Variants in TMEM132D observed in about 807,000 individuals in gnomAD.
The protein encoded by TMEM132D is transmembrane protein 132D.
TMEM132D carries 21 observed loss-of-function variants against 62.3 expected under a neutral mutation model. The observed-to-expected ratio is 0.34, with a 90% CI of 0.24 to 0.49. TMEM132D has a LOEUF of 0.49. Ranked by LOEUF, TMEM132D falls within the 20% of genes least tolerant of loss-of-function variation. TMEM132D has a pLI of 0.99. For missense variants in TMEM132D, 1,346 were observed against 1,402.8 expected (o/e 0.96, Z 0.65); for synonymous variants, 621 against 575.6 (o/e 1.08, Z -1.13).
intron 1 of TMEM132D, among the ~76,000 whole-genome samples, chr12:129,786,396 A>T (rs553884153): frequency 1.3e-5 from 2 of 152,198 alleles, no homozygotes; most frequent in Admixed American, 6.5e-5. Context: ...GGGAGGTAAC[A>T]CCTCGTGGCG....
chr12:129,249,621 G>A (rs989107163), intron 4 of TMEM132D, among the ~76,000 whole-genome samples: 1 of 152,184 alleles, frequency 6.6e-6, no homozygotes, highest in Non-Finnish European at 1.5e-5. Flanking sequence ...CTTGGTAATA[G>A]CGCAGGTAGA....
chr12:129,633,873 T>C (rs1019986435), intron 2 of TMEM132D, among the ~76,000 whole-genome samples: 16 of 152,132 alleles, frequency 1.1e-4, no homozygotes, highest in Admixed American at 1.0e-3. Context: ...AACTTAAAAA[T>C]GTTCATTCCA....
chr12:129,791,184 G>A (rs1380789630), intron 1 of TMEM132D, among the ~76,000 whole-genome samples: 1 of 152,184 alleles, frequency 6.6e-6, no homozygotes, highest in African/African-American at 2.4e-5. Context: ...CAGAGGCAGG[G>A]CAGACAAGAG....
rs147439288 is a variant in TMEM132D, at chr12:129,776,679, G to A, written c.80-75981C>T. On this transcript the variant is annotated intron_variant, in intron 1 of 8. Coordinates refer to ENST00000422113, the MANE Select transcript of TMEM132D (RefSeq NM_133448.3). ...TATTTAAATTGAATACTTCAGCAAC[G>A]AAAGACTGTGTTCCTTAACCATTTA... is the stretch of plus-strand genomic sequence containing the variant. Among the ~76,000 whole-genome samples the A allele has an allele frequency of 4.3e-4, 49 of 113,436 alleles. 1 individual carries two copies. The East Asian group carries it at 0.013, about 31-fold the overall frequency. 74.4% of individuals were successfully genotyped at this position (113,436 alleles called of 152,430 possible). A position where few individuals can be genotyped will look rare whatever the true frequency, so the allele number is the denominator to read the frequency against.
intron 2 of TMEM132D, among the ~76,000 whole-genome samples, chr12:129,560,123 G>C (rs141426304): frequency 5.3e-5 from 8 of 152,306 alleles, no homozygotes; most frequent in African/African-American, 9.6e-5. Context: ...AGATTTCTAG[G>C]AGTGGGCTCA....
chr12:129,305,762 A>G (rs942862114), intron 4 of TMEM132D, among the ~76,000 whole-genome samples: 1 of 152,164 alleles, frequency 6.6e-6, no homozygotes, highest in South Asian at 2.1e-4. Context: ...CGTCTCTCAC[A>G]GGGTGTCATG....
intron 4 of TMEM132D, among the ~76,000 whole-genome samples, chr12:129,279,961 C>T (rs142746204): frequency 1.1e-3 from 172 of 152,232 alleles, no homozygotes; most frequent in African/African-American, 3.8e-3. Flanking sequence ...GACACATTGA[C>T]TTTTCCAGAG....
intron 2 of TMEM132D, among the ~76,000 whole-genome samples, chr12:129,665,415 T>G (rs674147): frequency 0.76 from 115,382 of 152,070 alleles, 44,193 homozygotes; most frequent in East Asian, 0.85. Flanking sequence ...TGTGGGAGAA[T>G]AGCAGGAAAT....
intron 3 of TMEM132D, among the ~76,000 whole-genome samples, chr12:129,499,183 A>AT (rs1172501847): frequency 1.3e-5 from 2 of 152,218 alleles, no homozygotes; most frequent in Non-Finnish European, 2.9e-5. Flanking sequence ...AACAAAAAAC[A>AT]TATGCAAAAT....
chr12:129,589,337 G>T (rs1484493193), intron 2 of TMEM132D, among the ~76,000 whole-genome samples: 2 of 152,054 alleles, frequency 1.3e-5, no homozygotes, highest in South Asian at 2.1e-4. Context: ...CCATGATTGT[G>T]AGGCCTCCCC....
chr12:129,188,563 G>A (rs1164960953), intron 5 of TMEM132D, among the ~76,000 whole-genome samples: 2 of 152,210 alleles, frequency 1.3e-5, no homozygotes, highest in African/African-American at 4.8e-5. Flanking sequence ...TGCTAGCCCT[G>A]TGGTTTCCAA....
chr12:129,429,415 T>A (rs964386348), intron 3 of TMEM132D, among the ~76,000 whole-genome samples: 4 of 152,090 alleles, frequency 2.6e-5, no homozygotes, highest in African/African-American at 9.7e-5. Context: ...AGAAACAGGC[T>A]ATGGGATTTA....
intron 2 of TMEM132D, among the ~76,000 whole-genome samples, chr12:129,554,690 G>C (rs1877003784): frequency 6.6e-6 from 1 of 152,134 alleles, no homozygotes; most frequent in Non-Finnish European, 1.5e-5. Context: ...TTTTCCGCCA[G>C]TGACTTTCCT....
At chr12:129,815,683 T>A (rs1872324361) in intron 1 of TMEM132D, among the ~76,000 whole-genome samples, 2 of 152,212 alleles carry the variant, frequency 1.3e-5, no homozygotes. Context: ...TCTGTGTTGC[T>A]GTCTGAATGC....
chr12:129,106,978 T>C (rs1875521722), intron 5 of TMEM132D, among the ~76,000 whole-genome samples: 1 of 152,178 alleles, frequency 6.6e-6, no homozygotes, highest in South Asian at 2.1e-4. Flanking sequence ...GTGCTGTTTG[T>C]TACCTCAGCA....
At chr12:129,120,985 C>T (rs1380934109) in intron 5 of TMEM132D, among the ~76,000 whole-genome samples, 3 of 152,138 alleles carry the variant, frequency 2.0e-5, no homozygotes, top group Admixed American at 6.5e-5. Flanking sequence ...CTCACATCCT[C>T]ATCCTTGGAA....
In TMEM132D at chr12:129,499,741, A is replaced by G. The variant is rs146596199; in HGVS notation, c.1115+31318T>C. 2.1e-3 allele frequency among the ~76,000 whole-genome samples: 313 copies of G among 152,324 alleles called. 1 individual carries two copies. The highest frequency in any genetic ancestry group is 7.0e-3 in the African/African-American group (293 of 41,572). On this transcript the variant is annotated intron_variant, in intron 3 of 8. Coordinates refer to ENST00000422113, the MANE Select transcript of TMEM132D (RefSeq NM_133448.3). ...ACTTCAGAGGGTCTTTAGGTTAAAT[A>G]TGAGGAAGGAATTTAAGTAGAAAAC...
At chr12:129,897,277 A>G (rs772803744) in intron 1 of TMEM132D, among the ~76,000 whole-genome samples, 37 of 152,336 alleles carry the variant, frequency 2.4e-4, no homozygotes, top group Non-Finnish European at 4.1e-4. Context: ...ATCAAAATCA[A>G]CAACGCATAT....
chr12:129,801,934 A>G (rs1267162347), intron 1 of TMEM132D, among the ~76,000 whole-genome samples: 1 of 151,734 alleles, frequency 6.6e-6, no homozygotes, highest in Non-Finnish European at 1.5e-5. Flanking sequence ...AAGAAAGGGT[A>G]TCAGCGATGG....
Sources: allele counts gnomAD v4.1 joint callset (sites outside exome capture counted in the v4.1 genomes callset), GRCh38; gene constraint gnomAD v4.1.1; transcripts MANE v1.5; gene names NCBI Gene and HGNC (gene_info 2026-07-23, HGNC 2026-07-21).